The following GPM6B variants were observed in gnomAD, a reference collection of about 807,000 sequenced individuals.
GPM6B encodes the protein neuronal membrane glycoprotein M6-b.
Under a neutral mutation model 27.2 loss-of-function variants are expected in GPM6B, and 4 were observed. The observed-to-expected ratio is 0.15, with a 90% confidence interval of 0.07 to 0.34. GPM6B has a LOEUF of 0.34. GPM6B is among the 10% of genes least tolerant of loss of function. GPM6B has a pLI of 1.00. For synonymous variants in GPM6B, 124 were observed against 103.1 expected (o/e 1.20, Z -1.23); for missense variants, 183 against 261.9 (o/e 0.70, Z 2.08).
At chrX:13,785,858 G>T in intron 2 of GPM6B, 50 bp from the exon 3 acceptor site, 1 of 1,009,703 alleles carries the variant, frequency 9.9e-7, no homozygotes, top group Non-Finnish European at 1.4e-6. Flanking sequence ...GAACACCTCT[G>T]GTCTTCAAGA....
Position 13,803,242 on chromosome X carries a change from G to A in GPM6B, c.181+4408C>T, listed in dbSNP as rs375423998. On this transcript the variant is annotated intron_variant, in intron 2 of 7. Coordinates refer to ENST00000316715, the MANE Select transcript of GPM6B (RefSeq NM_001001995.3). ...CAGGAGCCAGCCTGTGGTTACATCTGGGCAGACAAGGTGCAACATGAGTTA... is the reference window on the plus strand; with the variant it reads ...CAGGAGCCAGCCTGTGGTTACATCTAGGCAGACAAGGTGCAACATGAGTTA... Among the ~76,000 whole-genome samples, 9 of 111,335 alleles carry A rather than the reference G, an allele frequency of 8.1e-5. No individual in the cohort carries two copies. The East Asian group carries it at 2.3e-3, about 28-fold the overall frequency.
chrX:13,851,881 C>G (rs904164051), intron 1 of GPM6B, among the ~76,000 whole-genome samples: 9 of 110,867 alleles, frequency 8.1e-5, no homozygotes, highest in Admixed American at 4.8e-4. Flanking sequence ...ACTAATGTGT[C>G]TTTGTAGAGT....
intron 1 of GPM6B, among the ~76,000 whole-genome samples, chrX:13,904,261 AATG>A (rs1420110906): frequency 8.9e-6 from 1 of 112,128 alleles, no homozygotes; most frequent in African/African-American, 3.2e-5. Flanking sequence ...TGATGAGTTT[AATG>A]ATATTTTGAG....
intron 1 of GPM6B, among the ~76,000 whole-genome samples, chrX:13,869,687 T>G (rs1286886392): frequency 8.9e-6 from 1 of 111,773 alleles, no homozygotes; most frequent in African/African-American, 3.3e-5. Context: ...AATTTAACCT[T>G]TTGTTGGTTT....
In GPM6B at chrX:13,876,271, G is replaced by C. The variant is rs764931969; in HGVS notation, c.-198+62056C>G. Among the ~76,000 whole-genome samples, 451 of 111,800 alleles carry C rather than the reference G, an allele frequency of 4.0e-3. 3 individuals carry two copies. The highest frequency in any genetic ancestry group is 0.013 in the African/African-American group (412 of 30,794). On this transcript the variant is annotated intron_variant, in intron 1 of 6. Coordinates refer to the GPM6B transcript ENST00000398361. ...AGGCTCTGCACAGTTTAAGATTACAGATTAGGTCCTACACTACTTCCAGAT... is the reference window on the plus strand; with the variant it reads ...AGGCTCTGCACAGTTTAAGATTACACATTAGGTCCTACACTACTTCCAGAT...
intron 1 of GPM6B, among the ~76,000 whole-genome samples, chrX:13,928,653 G>T (rs1921326153): frequency 8.9e-6 from 1 of 112,574 alleles, no homozygotes; most frequent in Admixed American, 9.4e-5. Context: ...TTGTGTGAAG[G>T]AACAGATGCC....
chrX:13,904,233 CA>C (rs1478853654), intron 1 of GPM6B, among the ~76,000 whole-genome samples: 4 of 111,767 alleles, frequency 3.6e-5, no homozygotes, highest in African/African-American at 1.3e-4. Flanking sequence ...GGAGGTATAA[CA>C]TACACTTCCA....
intron 1 of GPM6B, among the ~76,000 whole-genome samples, chrX:13,923,201 T>C (rs1363919198): frequency 9.1e-6 from 1 of 109,397 alleles, no homozygotes; most frequent in Non-Finnish European, 1.9e-5. Context: ...AACCTAAGCA[T>C]ACCTAAGTGT....
chrX:13,811,905 A>C (rs1277205948), intron 1 of GPM6B, among the ~76,000 whole-genome samples: 3 of 111,402 alleles, frequency 2.7e-5, no homozygotes, highest in East Asian at 5.5e-4. Context: ...ATCTGCCACC[A>C]ATCAGCAAAA....
chrX:13,876,168 A>G (rs1339758242), intron 1 of GPM6B, among the ~76,000 whole-genome samples: 1 of 112,310 alleles, frequency 8.9e-6, no homozygotes, highest in African/African-American at 3.2e-5. Flanking sequence ...GATTAACTTG[A>G]TATAAGCACC....
At chrX:13,909,504 C>T (rs944798822) in intron 1 of GPM6B, among the ~76,000 whole-genome samples, 2 of 110,999 alleles carry the variant, frequency 1.8e-5, no homozygotes, top group Non-Finnish European at 3.8e-5. Context: ...CAATTTATGT[C>T]GTTGCTGATG....
chrX:13,891,199 T>C (rs183643726), intron 1 of GPM6B, among the ~76,000 whole-genome samples: 1 of 111,640 alleles, frequency 9.0e-6, no homozygotes, highest in African/African-American at 3.3e-5. Flanking sequence ...AATGTGGTGG[T>C]CCATGGCCCA....
chrX:13,853,237 G>C (rs1385562108), intron 1 of GPM6B, among the ~76,000 whole-genome samples: 1 of 110,947 alleles, frequency 9.0e-6, no homozygotes, highest in Non-Finnish European at 1.9e-5. Context: ...AGGATCCATG[G>C]GACTTAGTAT....
chrX:13,916,089 G>A (rs1320424892), intron 1 of GPM6B, among the ~76,000 whole-genome samples: 1 of 111,819 alleles, frequency 8.9e-6, no homozygotes, highest in African/African-American at 3.3e-5. Context: ...CAGGAAGGGC[G>A]CCTGAGGCAG....
rs189131212 is a variant in GPM6B at position 13,834,305 on chromosome X, T to C, written c.-197-48497A>G. Among the ~76,000 whole-genome samples, 26 of 112,716 alleles carry C rather than the reference T, an allele frequency of 2.3e-4. No homozygotes were observed. The East Asian group carries it at 6.4e-3, about 28-fold the overall frequency. On this transcript the variant is annotated intron_variant, in intron 1 of 6. Transcript: ENST00000398361. ...AATGCCAAATCTACAATATATTCAC[T>C]AGGCAGAGATAATTCTTCCTAAAGA...
At chrX:13,869,799 C>T (rs1388581634) in intron 1 of GPM6B, among the ~76,000 whole-genome samples, 1 of 112,473 alleles carries the variant, frequency 8.9e-6, no homozygotes, top group African/African-American at 3.2e-5. Context: ...TACATAACTA[C>T]AGAACATTTA....
chrX:13,793,780 T>C (rs2048758381), intron 2 of GPM6B, among the ~76,000 whole-genome samples: 1 of 110,135 alleles, frequency 9.1e-6, no homozygotes, highest in African/African-American at 3.3e-5. Flanking sequence ...AATTAGAGGG[T>C]TGGGGTTTGT....
Position 13,845,827 on chromosome X carries a change from G to C in GPM6B, c.-197-60019C>G, listed in dbSNP as rs140712592. 9.8e-3 allele frequency among the ~76,000 whole-genome samples: 1,100 copies of C among 112,062 alleles called. 17 individuals carry two copies. The highest frequency in any genetic ancestry group is 0.033 in the African/African-American group (1,032 of 30,833). ...TTCAATAGTACACGCTGAACTTTCAGCTACATGTTCTGAAAGAGGTAAACA... is the reference window on the plus strand; with the variant it reads ...TTCAATAGTACACGCTGAACTTTCACCTACATGTTCTGAAAGAGGTAAACA... On this transcript the variant is annotated intron_variant, in intron 1 of 6. Coordinates refer to the GPM6B transcript ENST00000398361.
At chrX:13,791,887 T>TACACACAC (rs759953315) in intron 2 of GPM6B, among the ~76,000 whole-genome samples, 1 of 107,420 alleles carries the variant, frequency 9.3e-6, no homozygotes, top group Non-Finnish European at 1.9e-5. Context: ...CACACATACA[T>TACACACAC]ACACACACAC....
Sources: gnomAD v4.1 joint callset for allele counts (sites outside exome capture counted in the v4.1 genomes callset) on GRCh38, gnomAD v4.1.1 for gene constraint, MANE v1.5 for transcripts, NCBI Gene and HGNC (gene_info 2026-07-23, HGNC 2026-07-21) for gene names.